The following TNR variants were observed in gnomAD, a reference collection of about 807,000 sequenced individuals.
The protein encoded by TNR is tenascin-R.
In TNR, 45 loss-of-function variants were observed where a neutral mutation model predicts 150.4. The observed-to-expected ratio is 0.30, with a 90% CI of 0.24 to 0.38. TNR has a LOEUF of 0.38. TNR is among the 10% of genes least tolerant of loss of function. TNR has a pLI of 1.00. For synonymous variants in TNR, 687 were observed against 678.4 expected, an observed-to-expected ratio of 1.01 and a Z score of -0.20; for missense variants, 1,544 against 1,759.1, an observed-to-expected ratio of 0.88 and a Z score of 2.19.
intron 1 of TNR, among the ~76,000 whole-genome samples, chr1:175,705,294 G>T (rs953555498): frequency 6.6e-6 from 1 of 152,040 alleles, no homozygotes; most frequent in African/African-American, 2.4e-5. Flanking sequence ...CCAAATTCTA[G>T]AATAAATTTT....
At chr1:175,379,501 A>T (rs1652568472) in intron 9 of TNR, 51 bp downstream of exon 9, 1 of 1,528,218 alleles carries the variant, frequency 6.5e-7, no homozygotes. Context: ...GACAGCTGTG[A>T]GGGTATAGAC....
chr1:175,634,867 C>T (rs747705152), intron 1 of TNR, among the ~76,000 whole-genome samples: 30 of 152,122 alleles, frequency 2.0e-4, no homozygotes, highest in Admixed American at 1.0e-3. Context: ...TATTACCAAC[C>T]GCCCCCTCAA....
chr1:175,659,392 T>C (rs749181886), intron 1 of TNR, among the ~76,000 whole-genome samples: 1 of 152,180 alleles, frequency 6.6e-6, no homozygotes, highest in Non-Finnish European at 1.5e-5. Flanking sequence ...TTTTAAAGAC[T>C]GTGTGTGCCA....
At chr1:175,419,164 C>T (rs1654639074) in intron 2 of TNR, among the ~76,000 whole-genome samples, 1 of 152,090 alleles carries the variant, frequency 6.6e-6, no homozygotes, top group Non-Finnish European at 1.5e-5. Context: ...ATTTTGCTCT[C>T]CATTAAGTTA....
chr1:175,546,422 C>T (rs749109706), intron 1 of TNR, among the ~76,000 whole-genome samples: 15 of 152,138 alleles, frequency 9.9e-5, no homozygotes, highest in Non-Finnish European at 1.8e-4. Context: ...AGCAGAATTG[C>T]CGGCCATCTC....
rs568029919 is a variant in TNR, at chr1:175,429,084, G to A, written c.-63-22307C>T. 5.9e-5 allele frequency among the ~76,000 whole-genome samples: 9 copies of A among 152,242 alleles called. No individual in the cohort carries two copies. The East Asian group carries it at 1.7e-3, about 29-fold the overall frequency. On this transcript the variant is annotated intron_variant, in intron 2 of 22. Coordinates refer to ENST00000367674, the MANE Select transcript of TNR (RefSeq NM_003285.3). ...GTCCTCAGAAGGATATTTTCATGGT[G>A]CTCTAGAATATTCTATGATATGGGT... is the stretch of plus-strand genomic sequence containing the variant.
chr1:175,682,722 G>A (rs191013943), intron 1 of TNR, among the ~76,000 whole-genome samples: 4 of 152,200 alleles, frequency 2.6e-5, no homozygotes, highest in Admixed American at 2.6e-4. Flanking sequence ...GGACTGCTTG[G>A]ACTTCAGGTG....
intron 2 of TNR, among the ~76,000 whole-genome samples, chr1:175,471,285 G>A (rs1340544453): frequency 6.6e-5 from 10 of 152,114 alleles, no homozygotes; most frequent in Non-Finnish European, 8.8e-5. Context: ...CAGTGATCAC[G>A]TCAGTCTGTA....
intron 1 of TNR, among the ~76,000 whole-genome samples, chr1:175,588,095 T>C (rs1662647312): frequency 6.6e-6 from 1 of 152,142 alleles, no homozygotes. Context: ...GAAGTTCAAG[T>C]TGGATATGAC....
chr1:175,698,836 G>T (rs1247460766), intron 1 of TNR, among the ~76,000 whole-genome samples: 4 of 151,828 alleles, frequency 2.6e-5, no homozygotes, highest in African/African-American at 9.7e-5. Flanking sequence ...AAAAAAAGGT[G>T]GTGCTGGCAG....
chr1:175,678,999 G>A (rs571583259), intron 1 of TNR, among the ~76,000 whole-genome samples: 22 of 152,208 alleles, frequency 1.4e-4, no homozygotes, highest in African/African-American at 3.6e-4. Flanking sequence ...CCACACTGCC[G>A]GGGAATCTCT....
At chr1:175,326,213 C>A (rs1449352032) in intron 21 of TNR, among the ~76,000 whole-genome samples, 1 of 152,086 alleles carries the variant, frequency 6.6e-6, no homozygotes, top group African/African-American at 2.4e-5. Context: ...AGGGATCAGA[C>A]TGTAATTAAA....
chr1:175,477,168 T>C (rs999693539), intron 2 of TNR, among the ~76,000 whole-genome samples: 2 of 152,208 alleles, frequency 1.3e-5, no homozygotes, highest in African/African-American at 4.8e-5. Flanking sequence ...TTTGAGGTAT[T>C]ATTATTATGC....
rs1194468340 is a variant in TNR at position 175,403,611 on chromosome 1, G to A, written c.505C>T (p.Leu169=). The A allele has an allele frequency of 6.2e-7, 1 of 1,611,318 alleles. No individual in the cohort carries two copies. Among genetic ancestry groups the A allele is most frequent in the Non-Finnish European group, 8.5e-7 (1 of 1,178,470 alleles). Residue 169 remains leucine (L), a synonymous_variant, in exon 4 of 23, where the codon CTG becomes TTG. Coordinates refer to ENST00000367674, the MANE Select transcript of TNR (RefSeq NM_003285.3). ...CCACTGCAGTGAGGGATATAGTCCA[G>A]TTGTCCTGGAATGGTCAAGGAGAAG... is the stretch of plus-strand genomic sequence containing the variant. ...CCQESAATGQ[L]DYIPHCSGHG...
At chr1:175,610,714 T>G (rs1311783279) in intron 1 of TNR, among the ~76,000 whole-genome samples, 1 of 152,244 alleles carries the variant, frequency 6.6e-6, no homozygotes. Context: ...AGTCCCACTA[T>G]TGCAATAGCT....
intron 1 of TNR, among the ~76,000 whole-genome samples, chr1:175,577,698 G>T (rs747696326): frequency 6.6e-6 from 1 of 152,118 alleles, no homozygotes; most frequent in Admixed American, 6.5e-5. Context: ...GGAGGGCCAC[G>T]CTAACTGTCA....
chr1:175,690,754 G>A (rs1666337427), intron 1 of TNR, among the ~76,000 whole-genome samples: 1 of 152,174 alleles, frequency 6.6e-6, no homozygotes, highest in African/African-American at 2.4e-5. Flanking sequence ...GAGAAGTATT[G>A]GAGTAGAACA....
At position 175,739,625 on chromosome 1, in the gene TNR, G is replaced by A. The variant is rs551846363; in HGVS notation, c.-165+3601C>T. Among the ~76,000 whole-genome samples the A allele has an allele frequency of 1.2e-3, 184 of 152,248 alleles. 3 individuals carry two copies. The highest frequency in any genetic ancestry group is 4.2e-3 in the African/African-American group (176 of 41,552). The stretch of plus-strand genomic sequence containing the variant: ...CTCACCCAGCCCACAACCCAGGGAC[G>A]GAAGCAGGGTGAATGGAGACATCCC... On this transcript the variant is annotated intron_variant, in intron 1 of 22. Transcript: ENST00000367674.
chr1:175,355,143 G>A (rs1651261207), intron 17 of TNR, among the ~76,000 whole-genome samples: 1 of 152,160 alleles, frequency 6.6e-6, no homozygotes, highest in Admixed American at 6.5e-5. Context: ...ATGTACTTGG[G>A]AGTTTCCAAT....
Sources: allele counts gnomAD v4.1 joint callset (sites outside exome capture counted in the v4.1 genomes callset), GRCh38; gene constraint gnomAD v4.1.1; transcripts MANE v1.5; gene names NCBI Gene and HGNC (gene_info 2026-07-23, HGNC 2026-07-21).